CCNA1: variants seen among roughly 807,000 people sequenced by gnomAD.
CCNA1 encodes the protein cyclin A1.
Under a neutral mutation model 54.1 loss-of-function variants are expected in CCNA1, and 23 were observed. That is an observed-to-expected ratio of 0.42 (90% confidence interval 0.31 to 0.60). CCNA1 has a LOEUF of 0.60. CCNA1 is among the 20% of genes least tolerant of loss of function. The pLI, the probability that CCNA1 is intolerant of heterozygous loss-of-function variation, is 0.14. For synonymous variants in CCNA1, 208 were observed against 213.9 expected (o/e 0.97, Z 0.24); for missense variants, 450 against 556.7 (o/e 0.81, Z 1.93).
chr13:36,437,504 C>A, intron 2 of CCNA1, 125 bp from the exon 3 acceptor site: 1 of 885,272 alleles, frequency 1.1e-6, no homozygotes, highest in South Asian at 1.9e-5. Flanking sequence ...ATTAAATTGC[C>A]GACATAGATT....
chr13:36,442,329 T>A, intron 8 of CCNA1, 25 bp downstream of exon 8: 1 of 1,610,178 alleles, frequency 6.2e-7, no homozygotes, highest in Non-Finnish European at 8.5e-7. Flanking sequence ...TTTTCATATC[T>A]TAGCTCTCTA....
rs760733837 is a variant in CCNA1, at chr13:36,436,195, G to A, written c.298-1434G>A. Reference sequence around the variant, plus strand: ...CACTCCTTTGCCCAAAATTCCAGTGGCTCCTGTCTCTGAATAAAAGCCAAT... The same window carrying A: ...CACTCCTTTGCCCAAAATTCCAGTGACTCCTGTCTCTGAATAAAAGCCAAT... On this transcript the variant is annotated intron_variant, in intron 2 of 8. Transcript: ENST00000255465. Among the ~76,000 whole-genome samples the A allele has an allele frequency of 2.9e-4, 44 of 152,178 alleles. 1 individual carries two copies. Among genetic ancestry groups the A allele is most frequent in the Non-Finnish European group, 1.2e-4 (8 of 68,044 alleles).
At chr13:36,433,438 C>CTTTCT (rs1566169694) in intron 2 of CCNA1, among the ~76,000 whole-genome samples, 3 of 81,152 alleles carry the variant, frequency 3.7e-5, no homozygotes, top group African/African-American at 1.2e-4. Flanking sequence ...TTCTTTCTTT[C>CTTTCT]TTTCGTTCTT....
rs141026570 is a variant in CCNA1 at position 36,438,905 on chromosome 13, A to G, written c.893+38A>G. 3.2e-4 allele frequency: 463 copies of G among 1,452,774 alleles called. No homozygotes were observed. In the East Asian group the frequency reaches 9.3e-3, roughly 29 times the overall value. The allele number at this position is 1,452,774 out of a possible 1,614,324, so 90.0% of individuals were successfully genotyped here. ...TCAGCTTGCATAATATGAAACTATC[A>G]CTTGTCAAAACATGGAATTTTTGTC... On this transcript the variant is annotated intron_variant, in intron 5 of 8. Transcript: ENST00000255465.
At chr13:36,442,082 G>T in intron 7 of CCNA1, 89 bp from the exon 8 acceptor site, 1 of 971,366 alleles carries the variant, frequency 1.0e-6, no homozygotes, top group Non-Finnish European at 1.5e-6. Flanking sequence ...TATTTACTAA[G>T]GGACTAATTC....
Position 36,442,773 on chromosome 13 carries a change from G to T in CCNA1, c.*108G>T, listed in dbSNP as rs1272588274. The T allele has an allele frequency of 1.5e-5, 13 of 871,948 alleles. No homozygotes were observed. The highest frequency in any genetic ancestry group is 2.4e-5 in the Non-Finnish European group (13 of 539,752). 54.0% of individuals were successfully genotyped at this position (871,948 alleles called of 1,614,324 possible). On this transcript the variant is annotated 3_prime_UTR_variant, in exon 9 of 9. Transcript: ENST00000255465. ...AACTAATGTTGTTTACAATATAGAT[G>T]ACATTTTAAAAATGTAAATGAATTT...
At chr13:36,438,264 G>A (rs185033021) in intron 4 of CCNA1, 73 bp downstream of exon 4, 1 of 1,373,634 alleles carries the variant, frequency 7.3e-7, no homozygotes, top group Non-Finnish European at 1.0e-6. Context: ...ATAAACTCTT[G>A]GTCCATAACC....
chr13:36,441,768 T>C (rs2055877683), intron 7 of CCNA1, among the ~76,000 whole-genome samples: 1 of 152,230 alleles, frequency 6.6e-6, no homozygotes, highest in Non-Finnish European at 1.5e-5. Context: ...TGTTTTTTTC[T>C]GCTGCATTTT....
At chr13:36,434,820 A>T (rs12863970) in intron 2 of CCNA1, among the ~76,000 whole-genome samples, 2 of 142,822 alleles carry the variant, frequency 1.4e-5, no homozygotes, top group Non-Finnish European at 3.1e-5. Flanking sequence ...TGCTGTCATG[A>T]GAGGTGCCCC....
intron 2 of CCNA1, among the ~76,000 whole-genome samples, chr13:36,435,301 G>T (rs2055789166): frequency 6.6e-6 from 1 of 152,182 alleles, no homozygotes; most frequent in Non-Finnish European, 1.5e-5. Flanking sequence ...CTCCATCCAG[G>T]TGTTGATTTA....
intron 7 of CCNA1, among the ~76,000 whole-genome samples, chr13:36,441,843 G>C (rs573350082): frequency 6.6e-6 from 1 of 151,518 alleles, no homozygotes; most frequent in East Asian, 1.9e-4. Flanking sequence ...GCAGTGTTTT[G>C]ACTAAAAATT....
rs141385088 is a variant in CCNA1, at chr13:36,433,411, T to G, written c.297+190T>G. On this transcript the variant is annotated intron_variant, in intron 2 of 8. Transcript: ENST00000255465. ...CTTTCTTTCTTTCTTTCTTTCTTTC[T>G]TTCTTTCTTTCTTTCTTTCTTTCTT... Among the ~76,000 whole-genome samples the G allele has an allele frequency of 9.6e-4, 111 of 116,018 alleles. 5 individuals carry two copies. The highest frequency in any genetic ancestry group is 3.7e-3 in the African/African-American group (103 of 27,596). 76.1% of individuals were successfully genotyped at this position (116,018 alleles called of 152,430 possible). A position where few individuals can be genotyped will look rare whatever the true frequency, so the allele number is the denominator to read the frequency against.
chr13:36,432,160 G>C (rs1442305225), upstream of CCNA1: 1 of 156,152 alleles, frequency 6.4e-6, no homozygotes. Flanking sequence ...CACCCGGAGC[G>C]AGTCAGGTGA....
At chr13:36,432,982 G>C in intron 1 of CCNA1, 51 bp from the exon 2 acceptor site, 1 of 1,551,100 alleles carries the variant, frequency 6.4e-7, no homozygotes, top group Non-Finnish European at 8.8e-7. Context: ...CTTGGAGCCC[G>C]GGGTGGACGG....
At chr13:36,436,669 TTTG>T (rs1226663691) in intron 2 of CCNA1, among the ~76,000 whole-genome samples, 11 of 152,242 alleles carry the variant, frequency 7.2e-5, no homozygotes, top group African/African-American at 2.7e-4. Context: ...ATTGTGACTC[TTTG>T]TTGTCTTTGT....
At chr13:36,432,346 G>T (rs1284990398), upstream of CCNA1, 1 of 318,438 alleles carries the variant, frequency 3.1e-6, no homozygotes. Context: ...TCGACACTTG[G>T]TCCTTCCCGC....
Position 36,438,787 on chromosome 13 carries a change from C to A in CCNA1, c.813C>A (p.Phe271Leu), listed in dbSNP as rs764214378. Residue 271 changes from phenylalanine (F) to leucine (L), a missense_variant, in exon 5 of 9, where the codon TTC (phenylalanine) becomes TTA (leucine). Physicochemically the swap from Phe to Leu is conservative, Grantham distance 22. This residue lies in a region of CCNA1 where 150 missense variants were observed against 219.7 expected (regional missense o/e 0.68). Transcript: ENST00000255465. ...AGACCCTGTATCTGGCTGTCAACTT[C>A]CTGGACAGGTTCCTTTCATGTATGT... 2.8e-5 allele frequency: 45 copies of A among 1,613,970 alleles called. No individual in the cohort carries two copies. The highest frequency in any genetic ancestry group is 3.7e-5 in the Non-Finnish European group (44 of 1,179,980).
At chr13:36,440,958 G>A (rs1487918658) in intron 6 of CCNA1, among the ~76,000 whole-genome samples, 160 bp from the exon 7 acceptor site, 1 of 152,146 alleles carries the variant, frequency 6.6e-6, no homozygotes, top group Non-Finnish European at 1.5e-5. Context: ...TTATAGACAG[G>A]CATACCAATT....
At chr13:36,435,214 C>G (rs1369061829) in intron 2 of CCNA1, among the ~76,000 whole-genome samples, 1 of 152,186 alleles carries the variant, frequency 6.6e-6, no homozygotes, top group Non-Finnish European at 1.5e-5. Context: ...CAGAAGCTAT[C>G]CCATTTAAAG....
Sources: allele counts gnomAD v4.1 joint callset (sites outside exome capture counted in the v4.1 genomes callset), GRCh38; gene constraint gnomAD v4.1.1; regional missense constraint gnomAD v4.1.1; transcripts MANE v1.5; gene names NCBI Gene and HGNC (gene_info 2026-07-23, HGNC 2026-07-21).